Variants in C13orf46 observed in about 807,000 individuals in gnomAD.
The protein encoded by C13orf46 is chromosome 13 open reading frame 46.
chr13:113,940,018 C>T, the C13orf46 span, among the ~76,000 whole-genome samples: 2 of 152,194 alleles, frequency 1.3e-5, no homozygotes, highest in African/African-American at 4.8e-5. Flanking sequence ...CCAGGATGCC[C>T]GGGTGGCAGC....
rs959200097 is a variant in C13orf46 at position 113,965,851 on chromosome 13, A to G, written c.505-857T>C. Among the ~76,000 whole-genome samples the G allele has an allele frequency of 5.0e-3, 584 of 116,202 alleles. 6 individuals are homozygous for G. The highest frequency in any genetic ancestry group is 0.018 in the African/African-American group (517 of 28,840). 76.2% of individuals were successfully genotyped at this position (116,202 alleles called of 152,430 possible). A position where few individuals can be genotyped will look rare whatever the true frequency, so the allele number is the denominator to read the frequency against. On this transcript the variant is annotated intron_variant, in intron 5 of 6. Transcript: ENST00000636427. ...GATAATGGTGATGGTGATGATGGTG[A>G]TGGTGGTGATGATGGTGATGGTGAT...
rs2052522709 is a variant in C13orf46, at chr13:113,955,655, CAGAGACAA to C, written c.*1110_*1117del. The C allele has an allele frequency of 2.2e-5, 1 of 45,380 alleles. No individual in the cohort carries two copies. Among genetic ancestry groups the C allele is most frequent in the Admixed American group, 2.9e-4 (1 of 3,500 alleles). 2.8% of individuals were successfully genotyped at this position (45,380 alleles called of 1,614,324 possible). ...GGCGGAGACGAGGAGTAGTGTCTGG[CAGAGACAA>C]GGAGTAGTGTCTGGCAGAGACGAGG... is the stretch of plus-strand genomic sequence containing the variant. On this transcript the variant is annotated 3_prime_UTR_variant, in exon 7 of 7. Coordinates refer to ENST00000636427, the MANE Select transcript of C13orf46 (RefSeq NM_001365455.2).
chr13:113,967,872 C>A (rs948614005), intron 4 of C13orf46, among the ~76,000 whole-genome samples: 1 of 152,194 alleles, frequency 6.6e-6, no homozygotes, highest in Non-Finnish European at 1.5e-5. Flanking sequence ...ACGGCTTCAG[C>A]GGCTCAGGGT....
At chr13:113,946,508 C>T in the C13orf46 span, among the ~76,000 whole-genome samples, 1 of 152,202 alleles carries the variant, frequency 6.6e-6, no homozygotes, top group Non-Finnish European at 1.5e-5. Flanking sequence ...CTGTGTGGGT[C>T]GTCAGCCGGG....
At chr13:113,930,389 GGAGCACCGAGGCGGGGGCGCA>G in the C13orf46 span, among the ~76,000 whole-genome samples, 5 of 151,164 alleles carry the variant, frequency 3.3e-5, no homozygotes, top group African/African-American at 1.2e-4. Flanking sequence ...CGGGGGCGCA[GGAGCACCGAGGCGGGGGCGCA>G]GGAGCACCGA....
chr13:113,938,862 T>A, the C13orf46 span, among the ~76,000 whole-genome samples: 48 of 151,848 alleles, frequency 3.2e-4, no homozygotes, highest in Non-Finnish European at 4.7e-4. Context: ...TCACTCTCAA[T>A]CCCTATGGAA....
At chr13:113,939,479 G>A in the C13orf46 span, among the ~76,000 whole-genome samples, 7 of 151,826 alleles carry the variant, frequency 4.6e-5, no homozygotes, top group African/African-American at 1.5e-4. Context: ...TGGACGGGGG[G>A]AACGGGGACC....
the C13orf46 span, among the ~76,000 whole-genome samples, chr13:113,947,249 C>T: frequency 2.0e-5 from 3 of 152,172 alleles, no homozygotes; most frequent in Non-Finnish European, 2.9e-5. Context: ...GGACAAGCGT[C>T]GGGGCAGGTT....
chr13:113,945,850 G>A, the C13orf46 span, among the ~76,000 whole-genome samples: 29 of 152,210 alleles, frequency 1.9e-4, no homozygotes, highest in South Asian at 1.0e-3. Flanking sequence ...TCTGGCCATT[G>A]CCAGTCTTAT....
chr13:113,947,732 G>A, the C13orf46 span, among the ~76,000 whole-genome samples: 19 of 152,226 alleles, frequency 1.2e-4, no homozygotes, highest in South Asian at 2.1e-4. Flanking sequence ...AGCAGGTCCC[G>A]GACACACAGC....
At chr13:113,945,409 A>G in the C13orf46 span, among the ~76,000 whole-genome samples, 1 of 151,832 alleles carries the variant, frequency 6.6e-6, no homozygotes, top group East Asian at 1.9e-4. Flanking sequence ...GTCAGGTGTG[A>G]TGGTGGGCCC....
At chr13:113,973,522 T>C (rs1466902967) in intron 1 of C13orf46, among the ~76,000 whole-genome samples, 3 of 152,190 alleles carry the variant, frequency 2.0e-5, no homozygotes, top group South Asian at 2.1e-4. Context: ...ACCTACGACC[T>C]GGAAGCCCCT....
the C13orf46 span, among the ~76,000 whole-genome samples, chr13:113,937,475 T>A: frequency 6.6e-6 from 1 of 152,214 alleles, no homozygotes; most frequent in Non-Finnish European, 1.5e-5. Flanking sequence ...CCTCTTCTCA[T>A]ACACAGCTGC....
the C13orf46 span, among the ~76,000 whole-genome samples, chr13:113,945,408 G>A: frequency 6.6e-6 from 1 of 151,966 alleles, no homozygotes; most frequent in Non-Finnish European, 1.5e-5. Context: ...AGTCAGGTGT[G>A]ATGGTGGGCC....
chr13:113,936,679 AAG>A, the C13orf46 span, among the ~76,000 whole-genome samples: 2 of 151,532 alleles, frequency 1.3e-5, no homozygotes, highest in Admixed American at 6.6e-5. Flanking sequence ...AGTTTAGGGG[AAG>A]AGAGTCGGGT....
rs2052528434 is a variant in C13orf46 at position 113,956,022 on chromosome 13, G to GGAGGAGTAGGATCTGGTGGA, written c.*750_*751insTCCACCAGATCCTACTCCTC. On this transcript the variant is annotated 3_prime_UTR_variant, in exon 7 of 7. Transcript: ENST00000636427. ...GAGGAGGAGTAGGATCTGGCGGAGA[G>GGAGGAGTAGGATCTGGTGGA]GAGGAGTAGGATCTGGCAGAGAGGA... is the stretch of plus-strand genomic sequence containing the variant. The GGAGGAGTAGGATCTGGTGGA allele has an allele frequency of 6.4e-6, 1 of 156,458 alleles. No individual in the cohort carries two copies. The highest frequency in any genetic ancestry group is 1.4e-5 in the Non-Finnish European group (1 of 72,760). The allele number at this position is 156,458 out of a possible 1,614,324, so 9.7% of individuals were successfully genotyped here.
chr13:113,957,166 A>C (rs1464512121), intron 6 of C13orf46, among the ~76,000 whole-genome samples: 2 of 139,706 alleles, frequency 1.4e-5, no homozygotes, highest in East Asian at 2.2e-4. Flanking sequence ...CTCTGCATGC[A>C]ACCCCTTTCA....
the C13orf46 span, among the ~76,000 whole-genome samples, chr13:113,940,352 A>G: frequency 5.3e-5 from 8 of 152,210 alleles, no homozygotes; most frequent in Non-Finnish European, 1.0e-4. Context: ...ATGCCAGCCG[A>G]GTATTCCCAG....
intron 4 of C13orf46, among the ~76,000 whole-genome samples, chr13:113,967,899 C>T (rs1182563094): frequency 1.3e-5 from 2 of 152,200 alleles, no homozygotes; most frequent in African/African-American, 4.8e-5. Context: ...GTCCCAAGGC[C>T]TCCAACGGGG....
Sources: allele counts gnomAD v4.1 joint callset (sites outside exome capture counted in the v4.1 genomes callset), GRCh38; gene constraint gnomAD v4.1.1; transcripts MANE v1.5; gene names NCBI Gene and HGNC (gene_info 2026-07-23, HGNC 2026-07-21).